The following SMOC2 variants were observed in gnomAD, a reference collection of about 807,000 sequenced individuals.
The protein encoded by SMOC2 is SPARC related modular calcium binding 2.
Under a neutral mutation model 61.4 loss-of-function variants are expected in SMOC2, and 39 were observed. The ratio of observed to expected loss-of-function variants is 0.64; its 90% CI spans 0.49 to 0.83. The LOEUF is 0.83. Among genes scored for constraint, SMOC2 ranks in the 40% least tolerant of loss-of-function variants. The probability of loss-of-function intolerance (pLI) is 0.00; values close to 1 mark genes in which losing one functional copy is unlikely to be tolerated. For missense variants in SMOC2, 556 were observed against 592.9 expected (o/e 0.94, Z 0.65); for synonymous variants, 247 against 239.9 (o/e 1.03, Z -0.27).
intron 7 of SMOC2, among the ~76,000 whole-genome samples, chr6:168,566,179 A>G (rs1784536668): frequency 6.6e-6 from 1 of 152,146 alleles, no homozygotes; most frequent in African/African-American, 2.4e-5. Flanking sequence ...AGAAACCTCT[A>G]TCCTATTATT....
intron 12 of SMOC2, 129 bp from the exon 13 acceptor site, chr6:168,666,292 C>G: frequency 1.2e-6 from 1 of 841,924 alleles, no homozygotes; most frequent in Non-Finnish European, 1.8e-6. Context: ...CTTACTCATA[C>G]TTACACCTCA....
At chr6:168,659,460 GT>G (rs1337192447) in intron 11 of SMOC2, among the ~76,000 whole-genome samples, 1 of 150,592 alleles carries the variant, frequency 6.6e-6, no homozygotes, top group Non-Finnish European at 1.5e-5. Flanking sequence ...GTTGGTGAGA[GT>G]GGAGGTTGTT....
At chr6:168,579,769 G>T (rs1583128599) in intron 7 of SMOC2, among the ~76,000 whole-genome samples, 2 of 152,178 alleles carry the variant, frequency 1.3e-5, no homozygotes, top group Non-Finnish European at 2.9e-5. Flanking sequence ...GTGAGTCAGG[G>T]CTGGGGACCC....
intron 9 of SMOC2, 140 bp from the exon 10 acceptor site, chr6:168,650,541 T>G: frequency 1.5e-6 from 1 of 649,984 alleles, no homozygotes. Context: ...TGCAATGTGT[T>G]TGTGTTTAAA....
intron 7 of SMOC2, among the ~76,000 whole-genome samples, chr6:168,567,270 A>T (rs1004800138): frequency 6.6e-6 from 1 of 152,214 alleles, no homozygotes; most frequent in South Asian, 2.1e-4. Context: ...TTTAAATGTT[A>T]AGCATTTTCA....
At position 168,608,154 on chromosome 6, in the gene SMOC2, T is replaced by C. The variant is rs371993342; in HGVS notation, c.825-3T>C. Reference sequence around the variant, plus strand: ...CCTTCCCCCGCCTTCCCCCCGCCCATAGGTACGAGCAGCCGAAATGTGACA... The same window carrying C: ...CCTTCCCCCGCCTTCCCCCCGCCCACAGGTACGAGCAGCCGAAATGTGACA... On this transcript the variant is annotated splice_region_variant and splice_polypyrimidine_tract_variant and intron_variant, in intron 8 of 12. Transcript: ENST00000356284. 9.3e-6 allele frequency: 15 copies of C among 1,606,218 alleles called. No homozygotes were observed. The African/African-American group carries it at 1.7e-4, about 19-fold the overall frequency.
At chr6:168,598,301 T>C (rs1350001900) in intron 7 of SMOC2, among the ~76,000 whole-genome samples, 2 of 152,192 alleles carry the variant, frequency 1.3e-5, no homozygotes, top group Non-Finnish European at 2.9e-5. Context: ...GGGTGGGGGA[T>C]GGACGATGAA....
Position 168,527,700 on chromosome 6 carries a change from G to A in SMOC2, c.436G>A (p.Val146Met), listed in dbSNP as rs149826528. ...CGGGAGGCCCATCAGCGGCACTGCC[G>A]TGGCCCACAAGACGCCCCGGTGCCC... Reference protein sequence around the residue: ...PNGRPISGTAVAHKTPRCPGS... With the variant: ...PNGRPISGTAMAHKTPRCPGS... Residue 146 changes from valine (V) to methionine (M), a missense_variant, in exon 4 of 13, where the codon GTG (valine) becomes ATG (methionine). By Grantham distance (21) the Val-to-Met change is conservative (BLOSUM62 1). Coordinates refer to ENST00000356284, the MANE Select transcript of SMOC2 (RefSeq NM_001166412.2). 9.2e-5 allele frequency: 143 copies of A among 1,551,926 alleles called. No individual in the cohort carries two copies. In the African/African-American group the frequency reaches 1.2e-3, roughly 13 times the overall value.
At chr6:168,499,463 C>T (rs1172065084) in intron 1 of SMOC2, among the ~76,000 whole-genome samples, 3 of 152,138 alleles carry the variant, frequency 2.0e-5, no homozygotes, top group African/African-American at 7.2e-5. Context: ...ATCTTTTGTG[C>T]GTTGCAGCCC....
chr6:168,598,252 G>A (rs764734076), intron 7 of SMOC2, among the ~76,000 whole-genome samples: 2 of 152,250 alleles, frequency 1.3e-5, no homozygotes, highest in Non-Finnish European at 2.9e-5. Context: ...GACCCCAGGT[G>A]AGAAAGTGGA....
intron 1 of SMOC2, among the ~76,000 whole-genome samples, chr6:168,456,126 G>T (rs532233809): frequency 1.3e-5 from 2 of 152,362 alleles, no homozygotes; most frequent in East Asian, 3.9e-4. Flanking sequence ...GGAGCTGGAC[G>T]TGTGGGCCGA....
intron 7 of SMOC2, among the ~76,000 whole-genome samples, chr6:168,584,255 G>A (rs1272764112): frequency 6.6e-6 from 1 of 152,232 alleles, no homozygotes; most frequent in African/African-American, 2.4e-5. Flanking sequence ...TCCTCCTGCG[G>A]ACTAGACTCA....
At chr6:168,474,025 T>A (rs1030641766) in intron 1 of SMOC2, among the ~76,000 whole-genome samples, 1 of 152,096 alleles carries the variant, frequency 6.6e-6, no homozygotes, top group South Asian at 2.1e-4. Context: ...TAACAACCCA[T>A]TCGCCTCTCC....
At chr6:168,646,702 C>T (rs1001698030) in intron 9 of SMOC2, among the ~76,000 whole-genome samples, 1 of 152,116 alleles carries the variant, frequency 6.6e-6, no homozygotes, top group Non-Finnish European at 1.5e-5. Context: ...GTCTCAGGGA[C>T]CCGCCAGTTC....
intron 1 of SMOC2, among the ~76,000 whole-genome samples, chr6:168,449,824 A>G (rs1184489416): frequency 6.6e-6 from 1 of 152,236 alleles, no homozygotes; most frequent in East Asian, 1.9e-4. Context: ...TTCATTTCAA[A>G]GGACAATTGA....
chr6:168,583,118 A>G (rs939694423), intron 7 of SMOC2, among the ~76,000 whole-genome samples: 2 of 152,248 alleles, frequency 1.3e-5, no homozygotes, highest in Admixed American at 6.5e-5. Context: ...TTCTCAGTTC[A>G]AAAGTAATTC....
rs1360326814 is a variant in SMOC2, at chr6:168,661,613, A to G, written c.1286-2461A>G. Among the ~76,000 whole-genome samples, 10 of 152,126 alleles carry G rather than the reference A, an allele frequency of 6.6e-5. No individual in the cohort carries two copies. The South Asian group carries it at 1.2e-3, about 19-fold the overall frequency. ...TGAGACCCCATCCAACCTCCCCCCA[A>G]AAAAAAGAATATTAGTTTTTTTTTA... On this transcript the variant is annotated intron_variant, in intron 11 of 12. Transcript: ENST00000356284.
chr6:168,559,958 T>A (rs768314161), intron 7 of SMOC2, among the ~76,000 whole-genome samples: 12 of 152,242 alleles, frequency 7.9e-5, no homozygotes, highest in Middle Eastern at 3.2e-3. Context: ...ATGACTGCAC[T>A]GAGAGTTTAA....
intron 7 of SMOC2, among the ~76,000 whole-genome samples, chr6:168,568,935 A>G (rs898426031): frequency 2.0e-5 from 3 of 152,198 alleles, no homozygotes; most frequent in Admixed American, 1.3e-4. Context: ...GATGCACCAT[A>G]GTTCATCTGT....
Sources: gnomAD v4.1 joint callset for allele counts (sites outside exome capture counted in the v4.1 genomes callset) on GRCh38, gnomAD v4.1.1 for gene constraint, MANE v1.5 for transcripts, NCBI Gene and HGNC (gene_info 2026-07-23, HGNC 2026-07-21) for gene names.